The following DLG5 variants were observed in gnomAD, a reference collection of about 807,000 sequenced individuals.
DLG5 encodes disks large homolog 5.
Under a neutral mutation model 189.8 loss-of-function variants are expected in DLG5, and 48 were observed. The observed-to-expected ratio is 0.25, with a 90% CI of 0.20 to 0.32. DLG5 has a LOEUF of 0.32. Among genes scored for constraint, DLG5 ranks in the 10% least tolerant of loss-of-function variants. The pLI, the probability that DLG5 is intolerant of heterozygous loss-of-function variation, is 1.00. For missense variants in DLG5, 2,160 were observed against 2,544.7 expected (o/e 0.85, Z 3.25); for synonymous variants, 1,016 against 1,054.1 (o/e 0.96, Z 0.70).
At chr10:77,821,026 C>T (rs572928373) in intron 15 of DLG5, 56 bp downstream of exon 15, 26 of 1,539,376 alleles carry the variant, frequency 1.7e-5, no homozygotes, top group African/African-American at 1.4e-4. Flanking sequence ...AGCCCTCCTT[C>T]GGCCAACTGC....
chr10:77,853,828 T>G (rs1386064165), intron 4 of DLG5, among the ~76,000 whole-genome samples: 1 of 152,124 alleles, frequency 6.6e-6, no homozygotes, highest in Non-Finnish European at 1.5e-5. Flanking sequence ...TACTGGGGCC[T>G]GGACAGATAT....
chr10:77,917,026 C>T (rs1057331962), intron 1 of DLG5, among the ~76,000 whole-genome samples: 3 of 151,236 alleles, frequency 2.0e-5, no homozygotes, highest in East Asian at 3.9e-4. Flanking sequence ...CACAAAAAGA[C>T]AAATCTGTAT....
intron 2 of DLG5, among the ~76,000 whole-genome samples, chr10:77,865,012 A>G (rs74508342): frequency 0.016 from 2,431 of 152,264 alleles, 56 homozygotes; most frequent in African/African-American, 0.055. Context: ...TCTAGTCCAG[A>G]GCACTTTTCC....
chr10:77,792,678 C>T, intron 31 of DLG5, 135 bp from the exon 32 acceptor site: 1 of 736,752 alleles, frequency 1.4e-6, no homozygotes. Context: ...TCCATCCCCA[C>T]CTGACTCTCC....
Position 77,821,200 on chromosome 10 carries a change from T to C in DLG5, c.3284A>G (p.Asp1095Gly). The part of the protein sequence containing the change: ...SSHLPAKKSC[D>G]EDLTSQKVDE... ...CACCTTCTGGGAGGTGAGGTCCTCA[T>C]CACAGGATTTCTTGGCCGGCAGGTG... Residue 1095 changes from aspartate (D) to glycine (G), a missense_variant, in exon 15 of 32, where the codon GAT becomes GGT. Asp to Gly is a moderately conservative substitution (Grantham distance 94, BLOSUM62 -1). This residue lies in a region of DLG5 where 754 missense variants were observed against 746.5 expected (regional missense o/e 1.01). Transcript: ENST00000372391. The C allele has an allele frequency of 6.2e-7, 1 of 1,614,154 alleles. No homozygotes were observed. Among genetic ancestry groups the C allele is most frequent in the African/African-American group, 1.3e-5 (1 of 75,072 alleles).
At position 77,821,543 on chromosome 10, in the gene DLG5, G is replaced by A. The variant is rs140121080; in HGVS notation, c.2941C>T (p.Arg981Cys). The A allele has an allele frequency of 6.4e-5, 104 of 1,612,904 alleles. No homozygotes were observed. Among genetic ancestry groups the A allele is most frequent in the African/African-American group, 5.7e-4 (43 of 75,060 alleles). Residue 981 changes from arginine (R) to cysteine (C), a missense_variant, in exon 15 of 32, where the codon CGC (arginine) becomes TGC (cysteine). Physicochemically the swap from Arg to Cys is radical, Grantham distance 180 (BLOSUM62 -3). Transcript: ENST00000372391. ...TCTATTTTGGGGGGTGTCTGGGGGC[G>A]TTTGAAAGTGTTAGGGTCAAAGATG... ...KSIFDPNTFK[R>C]PQTPPKIDYL...
At chr10:77,800,588 G>GA (rs1477017865) in intron 27 of DLG5, among the ~76,000 whole-genome samples, 1 of 152,204 alleles carries the variant, frequency 6.6e-6, no homozygotes, top group Non-Finnish European at 1.5e-5. Flanking sequence ...GAGAACCCAC[G>GA]AAAAGTTTCT....
At chr10:77,830,106 G>T in intron 11 of DLG5, 111 bp downstream of exon 11, 1 of 1,359,004 alleles carries the variant, frequency 7.4e-7, no homozygotes. Context: ...GACTGTGTGT[G>T]AGTCTAAGGC....
chr10:77,792,796 T>C (rs1840702800), intron 31 of DLG5: 1 of 467,314 alleles, frequency 2.1e-6, no homozygotes, highest in Non-Finnish European at 3.8e-6. Context: ...TTTGCAATGG[T>C]TGGGGGAATC....
At position 77,830,325 on chromosome 10, in the gene DLG5, G is replaced by A. The variant is rs1238077128; in HGVS notation, c.1901C>T (p.Ala634Val). ...ACCTTCTGCCATATCAAACCCCAGT[G>A]CCTTCAAGTCAATATCCTCCTGCAA... ...ERETEDIDLK[A>V]LGFDMAEGVN... The change falls in exon 11 of 32, where the codon GCA becomes GTA. Residue 634 changes from alanine to valine, a missense_variant. By Grantham distance (64) the Ala-to-Val change is moderately conservative (BLOSUM62 0). Transcript: ENST00000372391. 1 of 1,614,170 alleles carries A rather than the reference G, an allele frequency of 6.2e-7. No homozygotes were observed. Among genetic ancestry groups the A allele is most frequent in the Non-Finnish European group, 8.5e-7 (1 of 1,180,038 alleles).
At chr10:77,931,249 C>T (rs903767256), upstream of DLG5, among the ~76,000 whole-genome samples, 2 of 151,750 alleles carry the variant, frequency 1.3e-5, no homozygotes, top group Non-Finnish European at 2.9e-5. Flanking sequence ...GCCACTGTGC[C>T]CCGCCCTATT....
rs990189299 is a variant in DLG5, at chr10:77,792,292, A to C, written c.*148T>G. 1.3e-6 allele frequency: 1 copy of C among 776,028 alleles called. No homozygotes were observed. Among genetic ancestry groups the C allele is most frequent in the African/African-American group, 1.7e-5 (1 of 58,464 alleles). The allele number at this position is 776,028 out of a possible 1,614,324, so 48.1% of individuals were successfully genotyped here. ...CGCACGCAGCCGTGGCCCTCTGTCT[A>C]CAAAGGAGGTGCTTCTGGGTCCTGG... On this transcript the variant is annotated 3_prime_UTR_variant, in exon 32 of 32. Transcript: ENST00000372391.
intron 1 of DLG5, among the ~76,000 whole-genome samples, chr10:77,883,686 T>C (rs1272642300): frequency 6.8e-6 from 1 of 146,454 alleles, no homozygotes; most frequent in African/African-American, 2.6e-5. Flanking sequence ...TGAAGTAACA[T>C]TGTTCTTTTT....
At chr10:77,847,645 T>TGCACATGCACACACGAGTGCGC (rs1843758853) in intron 5 of DLG5, among the ~76,000 whole-genome samples, 1 of 152,142 alleles carries the variant, frequency 6.6e-6, no homozygotes, top group African/African-American at 2.4e-5. Context: ...TATTTCCACA[T>TGCACATGCACACACGAGTGCGC]GCACATGCAC....
In DLG5 at chr10:77,821,641, G is replaced by A. The variant is rs1482421021; in HGVS notation, c.2843C>T (p.Pro948Leu). The A allele has an allele frequency of 1.6e-5, 26 of 1,612,394 alleles. No individual in the cohort carries two copies. The highest frequency in any genetic ancestry group is 2.2e-5 in the Non-Finnish European group (26 of 1,179,792). Residue 948 changes from proline (P) to leucine (L), a missense_variant, in exon 15 of 32, where the codon CCC becomes CTC. Physicochemically the swap from Pro to Leu is moderately conservative, Grantham distance 98 (BLOSUM62 -3). This residue lies in a region of DLG5 where 754 missense variants were observed against 746.5 expected (regional missense o/e 1.01). Coordinates refer to ENST00000372391, the MANE Select transcript of DLG5 (RefSeq NM_004747.4). ...TGCCGTGGAGCTGAGCATGGCCTTG[G>A]GCCAGGTCCCGCCGCTGTTGGAGCC... ...SEGSNSGGTWPKAMLSSTAVP... is the reference protein window; with the variant it reads ...SEGSNSGGTWLKAMLSSTAVP...
At chr10:77,824,614 A>G in intron 13 of DLG5, 138 bp from the exon 14 acceptor site, 2 of 659,990 alleles carry the variant, frequency 3.0e-6, no homozygotes, top group Admixed American at 2.6e-5. Flanking sequence ...GGCAAAGGAT[A>G]GAGGTCTTTC....
rs1400777459 is a variant in DLG5, at chr10:77,806,769, G to A, written c.4956C>T (p.Pro1652=). 3.7e-6 allele frequency: 6 copies of A among 1,607,752 alleles called. No homozygotes were observed. In the African/African-American group the frequency reaches 4.0e-5, roughly 11 times the overall value. ...NAQKIQRGQI[P]SKYVMDQEFS... Reference sequence around the variant, plus strand: ...CGGAGAACACTTACACATATTTGCTGGGAATCTGCCCGCGCTGGATCTTCT... The same window carrying A: ...CGGAGAACACTTACACATATTTGCTAGGAATCTGCCCGCGCTGGATCTTCT... Residue 1652 remains proline, a synonymous_variant, in exon 26 of 32, where the codon CCC becomes CCT. Coordinates refer to ENST00000372391, the MANE Select transcript of DLG5 (RefSeq NM_004747.4).
chr10:77,862,082 T>C (rs930429075), intron 2 of DLG5, among the ~76,000 whole-genome samples: 3 of 152,200 alleles, frequency 2.0e-5, no homozygotes, highest in African/African-American at 7.2e-5. Context: ...CAATCCCCAT[T>C]CAACTGAAGT....
At chr10:77,877,578 A>G (rs1010536179) in intron 1 of DLG5, among the ~76,000 whole-genome samples, 1 of 152,110 alleles carries the variant, frequency 6.6e-6, no homozygotes, top group African/African-American at 2.4e-5. Flanking sequence ...GAGGGAGGGA[A>G]GGCAGTGGGA....
Sources: gnomAD v4.1 joint callset for allele counts (sites outside exome capture counted in the v4.1 genomes callset) on GRCh38, gnomAD v4.1.1 for gene constraint, gnomAD v4.1.1 regional missense constraint, MANE v1.5 for transcripts, NCBI Gene and HGNC (gene_info 2026-07-23, HGNC 2026-07-21) for gene names.